The following TACR3 variants were observed in gnomAD, a reference collection of about 807,000 sequenced individuals.
TACR3 encodes the protein tachykinin receptor 3, also known as neuromedin-K receptor.
TACR3 carries 34 observed loss-of-function variants against 35.0 expected under a neutral mutation model. That is an observed-to-expected ratio of 0.97 (90% CI 0.74 to 1.30). The LOEUF is 1.30. Among genes scored for constraint, TACR3 ranks in the 50% most tolerant of loss-of-function variants. The pLI is 0.00. For missense variants in TACR3, 558 were observed against 591.7 expected, an observed-to-expected ratio of 0.94 and a Z score of 0.59; for synonymous variants, 233 against 221.1, an observed-to-expected ratio of 1.05 and a Z score of -0.48.
chr4:103,716,756 GA>G (rs1373022328), intron 1 of TACR3, among the ~76,000 whole-genome samples: 1 of 152,084 alleles, frequency 6.6e-6, no homozygotes, highest in African/African-American at 2.4e-5. Context: ...AAAGCGAATT[GA>G]ATATATTTTC....
chr4:103,719,828 A>C lies in TACR3; in HGVS notation c.-153T>G. ...AAAGATACTGCAATCCCTGCTGGTT[A>C]GGGGATGCAGCTGGGGCTAAGGGGC... On this transcript the variant is annotated 5_prime_UTR_variant, in exon 1 of 5. Transcript: ENST00000304883. 1 of 1,017,922 alleles carries C rather than the reference A, an allele frequency of 9.8e-7. No individual in the cohort carries two copies. The highest frequency in any genetic ancestry group is 1.4e-6 in the Non-Finnish European group (1 of 696,442). The allele number at this position is 1,017,922 out of a possible 1,614,324, so 63.1% of individuals were successfully genotyped here. A position where few individuals can be genotyped will look rare whatever the true frequency, so the allele number is the denominator to read the frequency against.
rs1195838011 is a variant in TACR3, at chr4:103,701,517, C to A, written c.548+17611G>T. On this transcript the variant is annotated intron_variant, in intron 1 of 4. Transcript: ENST00000304883. Reference sequence around the variant, plus strand: ...TCAATGCCATCCCCATCAAGCTACCCATGACTTTCTTCACAGAATTGGAAT... The same window carrying A: ...TCAATGCCATCCCCATCAAGCTACCAATGACTTTCTTCACAGAATTGGAAT... Among the ~76,000 whole-genome samples, 57 of 152,098 alleles carry A rather than the reference C, an allele frequency of 3.7e-4. 1 individual carries two copies. Among genetic ancestry groups the A allele is most frequent in the Admixed American group, 8.5e-4 (13 of 15,262 alleles).
intron 3 of TACR3, among the ~76,000 whole-genome samples, chr4:103,601,568 T>A (rs949290607): frequency 2.0e-5 from 3 of 152,208 alleles, no homozygotes; most frequent in Non-Finnish European, 4.4e-5. Context: ...GGAGCTCTTT[T>A]AGGGCAGGCC....
chr4:103,665,247 G>A (rs1725912138), intron 1 of TACR3, among the ~76,000 whole-genome samples: 1 of 151,652 alleles, frequency 6.6e-6, no homozygotes, highest in Admixed American at 6.6e-5. Context: ...ACTCATATAT[G>A]ACTATGACTA....
intron 1 of TACR3, among the ~76,000 whole-genome samples, chr4:103,705,903 G>A (rs1722776614): frequency 6.6e-6 from 1 of 152,148 alleles, no homozygotes; most frequent in Admixed American, 6.5e-5. Context: ...AAGTGCAATG[G>A]AAACGTTGTA....
intron 1 of TACR3, among the ~76,000 whole-genome samples, chr4:103,662,535 C>A (rs373155979): frequency 6.6e-6 from 1 of 151,894 alleles, no homozygotes; most frequent in Non-Finnish European, 1.5e-5. Flanking sequence ...TGGGTTTTTA[C>A]GGTTTGAATT....
chr4:103,604,620 A>AT (rs1208257670), intron 3 of TACR3, among the ~76,000 whole-genome samples: 2 of 152,092 alleles, frequency 1.3e-5, no homozygotes, highest in Non-Finnish European at 2.9e-5. Flanking sequence ...GAATGGGAGA[A>AT]TTTTTTTGCA....
At chr4:103,629,872 C>CAAAAA (rs1157154870) in intron 3 of TACR3, among the ~76,000 whole-genome samples, 2 of 104,118 alleles carry the variant, frequency 1.9e-5, no homozygotes, top group African/African-American at 7.6e-5. Flanking sequence ...AAAAAAAAAA[C>CAAAAA]AAAAAAAACA....
Position 103,629,777 on chromosome 4 carries a change from T to A in TACR3, c.888+26417A>T, listed in dbSNP as rs181609090. 2.0e-3 allele frequency among the ~76,000 whole-genome samples: 300 copies of A among 148,806 alleles called. 2 individuals are homozygous for A. The highest frequency in any genetic ancestry group is 6.7e-3 in the African/African-American group (267 of 39,906). ...GCTACCAATGACTTTCTTCACAGAA[T>A]TGGAATAAACTACTTTATAGTTCAT... is the stretch of plus-strand genomic sequence containing the variant. On this transcript the variant is annotated intron_variant, in intron 3 of 4. Transcript: ENST00000304883.
Position 103,680,971 on chromosome 4 carries a change from A to G in TACR3, c.549-22568T>C, listed in dbSNP as rs147039541. Among the ~76,000 whole-genome samples, 51 of 151,934 alleles carry G rather than the reference A, an allele frequency of 3.4e-4. 1 individual carries two copies. The highest frequency in any genetic ancestry group is 1.2e-3 in the African/African-American group (48 of 41,480). ...ATTTCTGTTAAGTTATTTTTTCTCT[A>G]AGCTTTCTCTTTCTTCCTTATATTT... On this transcript the variant is annotated intron_variant, in intron 1 of 4. Coordinates refer to ENST00000304883, the MANE Select transcript of TACR3 (RefSeq NM_001059.3).
chr4:103,679,834 TC>T (rs150922593), intron 1 of TACR3, among the ~76,000 whole-genome samples: 3,290 of 151,950 alleles, frequency 0.022, 50 homozygotes, highest in Middle Eastern at 0.055. Context: ...AGATTGGATA[TC>T]AATTATCTCT....
Position 103,597,283 on chromosome 4 carries a change from A to T in TACR3, c.889-5600T>A, listed in dbSNP as rs563051980. 5.0e-3 allele frequency among the ~76,000 whole-genome samples: 763 copies of T among 151,976 alleles called. 6 individuals carry two copies. The highest frequency in any genetic ancestry group is 0.017 in the African/African-American group (703 of 41,456). On this transcript the variant is annotated intron_variant, in intron 3 of 4. Coordinates refer to ENST00000304883, the MANE Select transcript of TACR3 (RefSeq NM_001059.3). ...CACCTGTTGTTTCCTGACTTTTTAA[A>T]GATTGCCATTCTAACTGGTGTGAGA...
At chr4:103,606,770 G>C (rs1219641827) in intron 3 of TACR3, among the ~76,000 whole-genome samples, 2 of 152,120 alleles carry the variant, frequency 1.3e-5, no homozygotes, top group African/African-American at 2.4e-5. Context: ...TCTGCAAACA[G>C]GGACAATTTG....
chr4:103,701,672 A>C (rs1722651662), intron 1 of TACR3, among the ~76,000 whole-genome samples: 1 of 152,184 alleles, frequency 6.6e-6, no homozygotes, highest in African/African-American at 2.4e-5. Flanking sequence ...ACAGTAACCA[A>C]AACAGCATGG....
intron 3 of TACR3, among the ~76,000 whole-genome samples, chr4:103,606,422 G>A (rs946921373): frequency 1.8e-4 from 27 of 152,102 alleles, no homozygotes; most frequent in Admixed American, 6.6e-5. Context: ...GGGCAGTATG[G>A]CCATTTTCAC....
intron 3 of TACR3, among the ~76,000 whole-genome samples, chr4:103,635,140 C>T (rs763269678): frequency 6.6e-6 from 1 of 151,730 alleles, no homozygotes; most frequent in African/African-American, 2.4e-5. Flanking sequence ...GTAATAGAGA[C>T]AAAACTACTA....
chr4:103,644,507 T>C (rs1560820116), intron 3 of TACR3, among the ~76,000 whole-genome samples: 1 of 151,812 alleles, frequency 6.6e-6, no homozygotes, highest in Admixed American at 6.6e-5. Context: ...ATGATATTCA[T>C]TGATTCATCG....
At chr4:103,610,890 C>G (rs542933060) in intron 3 of TACR3, among the ~76,000 whole-genome samples, 29 of 152,076 alleles carry the variant, frequency 1.9e-4, no homozygotes, top group Non-Finnish European at 3.2e-4. Context: ...TGTCCTTTCC[C>G]CAATGTGTGT....
intron 3 of TACR3, among the ~76,000 whole-genome samples, chr4:103,596,235 G>A (rs1168524340): frequency 6.6e-6 from 1 of 151,858 alleles, no homozygotes; most frequent in African/African-American, 2.4e-5. Flanking sequence ...CTTTATAGCA[G>A]CATAATTTAT....
Sources: gnomAD v4.1 joint callset for allele counts (sites outside exome capture counted in the v4.1 genomes callset) on GRCh38, gnomAD v4.1.1 for gene constraint, MANE v1.5 for transcripts, NCBI Gene and HGNC (gene_info 2026-07-23, HGNC 2026-07-21) for gene names.